ZNF619: variants seen among roughly 807,000 people sequenced by gnomAD.
ZNF619 encodes zinc finger protein 619.
Under a neutral mutation model 14.2 loss-of-function variants are expected in ZNF619, and 9 were observed. The ratio of observed to expected loss-of-function variants is 0.64; its 90% CI spans 0.38 to 1.11. The LOEUF (loss-of-function observed/expected upper bound fraction) is 1.11, where lower values mean the gene tolerates loss of function less well. Ranked by LOEUF, ZNF619 falls within the 50% of genes least tolerant of loss-of-function variation. The pLI is 0.01. For synonymous variants in ZNF619, 246 were observed against 252.8 expected, an observed-to-expected ratio of 0.97 and a Z score of 0.26; for missense variants, 659 against 680.1, an observed-to-expected ratio of 0.97 and a Z score of 0.34.
intron 2 of ZNF619, among the ~76,000 whole-genome samples, chr3:40,478,376 A>C (rs1409414481): frequency 6.6e-6 from 1 of 152,142 alleles, no homozygotes; most frequent in Non-Finnish European, 1.5e-5. Context: ...GGGCAGATTA[A>C]AATTTGAGGA....
At chr3:40,481,512 G>C (rs1697391148) in intron 2 of ZNF619, among the ~76,000 whole-genome samples, 2 of 152,172 alleles carry the variant, frequency 1.3e-5, no homozygotes, top group South Asian at 4.1e-4. Context: ...CTGGGTGGAG[G>C]GCCCTGATAC....
intron 4 of ZNF619, 53 bp downstream of exon 4, chr3:40,482,757 T>C (rs1171121673): frequency 7.2e-7 from 1 of 1,386,592 alleles, no homozygotes; most frequent in Non-Finnish European, 9.9e-7. Context: ...CTCCTTTCTT[T>C]TAACAATTTA....
At position 40,488,639 on chromosome 3, in the gene ZNF619, T is replaced by C. The variant is rs1223051303; in HGVS notation, c.*398T>C. On this transcript the variant is annotated 3_prime_UTR_variant, in exon 5 of 5. Coordinates refer to ENST00000432264, the MANE Select transcript of ZNF619 (RefSeq NM_001145093.4). ...ATAATCAGATAAAGTGTCCAATGATTGCTTTCAAGAGCTTTTTTTTTTTTA... is the reference window on the plus strand; with the variant it reads ...ATAATCAGATAAAGTGTCCAATGATCGCTTTCAAGAGCTTTTTTTTTTTTA... The C allele has an allele frequency of 6.1e-6, 1 of 163,990 alleles. No homozygotes were observed. The highest frequency in any genetic ancestry group is 2.4e-5 in the African/African-American group (1 of 41,700). 10.2% of individuals were successfully genotyped at this position (163,990 alleles called of 1,614,324 possible).
In ZNF619 at chr3:40,487,305, T is replaced by C. The variant is rs1353981339; in HGVS notation, c.795T>C (p.Cys265=). 3.1e-6 allele frequency: 5 copies of C among 1,614,158 alleles called. No homozygotes were observed. The highest frequency in any genetic ancestry group is 2.2e-5 in the East Asian group (1 of 44,882). ...TGEKPYSCEE[C]GQAFSQNSHL... ...AGAAACCATACTCATGTGAGGAATG[T>C]GGACAAGCCTTCAGTCAAAATTCCC... Residue 265 remains cysteine, a synonymous_variant, in exon 5 of 5, where the codon TGT becomes TGC. Transcript: ENST00000432264.
chr3:40,490,389 A>G lies in ZNF619; in HGVS notation c.*2148A>G, dbSNP rs1697770644. On this transcript the variant is annotated 3_prime_UTR_variant, in exon 5 of 5. Transcript: ENST00000432264. ...GGTAGAGGCTTGAAAAATCTGGAAG[A>G]TCAGGTCAGACAAAGCCTGTATTAT... is the stretch of plus-strand genomic sequence containing the variant. Among the ~76,000 whole-genome samples, 1 of 152,214 alleles carries G rather than the reference A, an allele frequency of 6.6e-6. No homozygotes were observed. Among genetic ancestry groups the G allele is most frequent in the Non-Finnish European group, 1.5e-5 (1 of 68,048 alleles).
intron 2 of ZNF619, 144 bp from the exon 3 acceptor site, chr3:40,481,719 G>A: frequency 2.0e-6 from 2 of 1,010,712 alleles, no homozygotes; most frequent in Non-Finnish European, 2.8e-6. Flanking sequence ...ATGGAAAGTT[G>A]GAATGCTGGC....
In ZNF619 at chr3:40,488,194, G is replaced by C. The variant is rs548366566; in HGVS notation, c.1684G>C (p.Gly562Arg). The change falls in exon 5 of 5, where the codon GGG becomes CGG. Residue 562 changes from glycine (G) to arginine (R), a missense_variant. Physicochemically the swap from Gly to Arg is moderately radical, Grantham distance 125. Transcript: ENST00000432264. ...TTTTTTTCAGGATCTCGCTTTTCCT[G>C]GGAAGTCATCCCTTCAGAGCCCGAA... ...AHFFQDLAFP[G>R]KSSLQSPNPL... is the part of the protein sequence containing the mutation. 5 of 1,610,556 alleles carry C rather than the reference G, an allele frequency of 3.1e-6. No homozygotes were observed. In the South Asian group the frequency reaches 3.3e-5, roughly 11 times the overall value.
chr3:40,486,695 C>T, intron 4 of ZNF619, 111 bp from the exon 5 acceptor site: 1 of 723,168 alleles, frequency 1.4e-6, no homozygotes, highest in Middle Eastern at 3.5e-4. Context: ...GAGTGAAACT[C>T]CACTCAAAAA....
In ZNF619 at chr3:40,489,828, A is replaced by G. The variant is rs1255811729; in HGVS notation, c.*1587A>G. ...CACACCTACTCCAGATTTCCCTATGATTAAATCTGAATTTTATTGGTGGCA... is the reference window on the plus strand; with the variant it reads ...CACACCTACTCCAGATTTCCCTATGGTTAAATCTGAATTTTATTGGTGGCA... On this transcript the variant is annotated 3_prime_UTR_variant, in exon 5 of 5. Transcript: ENST00000432264. The G allele has an allele frequency of 6.6e-6, 1 of 152,206 alleles. No individual in the cohort carries two copies. Among genetic ancestry groups the G allele is most frequent in the Non-Finnish European group, 1.5e-5 (1 of 68,046 alleles). 9.4% of individuals were successfully genotyped at this position (152,206 alleles called of 1,614,324 possible).
At chr3:40,479,556 T>G (rs1028899000) in intron 2 of ZNF619, among the ~76,000 whole-genome samples, 3 of 152,242 alleles carry the variant, frequency 2.0e-5, no homozygotes, top group Non-Finnish European at 2.9e-5. Flanking sequence ...ATAATTACTA[T>G]TGTTATCCCA....
intron 2 of ZNF619, among the ~76,000 whole-genome samples, chr3:40,479,509 T>C (rs1047616289): frequency 3.9e-5 from 6 of 152,226 alleles, no homozygotes; most frequent in African/African-American, 1.2e-4. Flanking sequence ...GCGTTACAGA[T>C]AATAACTTAA....
Position 40,482,606 on chromosome 3 carries a change from A to T in ZNF619, c.197A>T (p.Lys66Ile), listed in dbSNP as rs975719982. ...CCTGTAGCAGCATTTCCATTCCCCA[A>T]ACCAGATCTGATATTCCAGCTGGAG... ...VTSLSAFPFP[K>I]PDLIFQLEQG... is the part of the protein sequence containing the mutation. Residue 66 changes from lysine (K) to isoleucine (I), a missense_variant, in exon 4 of 5, where the codon AAA becomes ATA. Physicochemically the swap from Lys to Ile is moderately radical, Grantham distance 102. Transcript: ENST00000432264. 1 of 1,613,970 alleles carries T rather than the reference A, an allele frequency of 6.2e-7. No individual in the cohort carries two copies. The highest frequency in any genetic ancestry group is 8.5e-7 in the Non-Finnish European group (1 of 1,179,990).
intron 2 of ZNF619, among the ~76,000 whole-genome samples, chr3:40,481,602 C>T (rs1361251004): frequency 1.3e-5 from 2 of 152,156 alleles, no homozygotes; most frequent in East Asian, 3.8e-4. Flanking sequence ...GAAAAATATA[C>T]CTGGCCTGTG....
chr3:40,483,172 C>A (rs1247444515), intron 4 of ZNF619, among the ~76,000 whole-genome samples: 1 of 152,156 alleles, frequency 6.6e-6, no homozygotes, highest in Non-Finnish European at 1.5e-5. Context: ...TCACACCATT[C>A]CACTCCAGCC....
intron 4 of ZNF619, among the ~76,000 whole-genome samples, chr3:40,485,256 G>A (rs1253005423): frequency 6.6e-6 from 1 of 151,770 alleles, no homozygotes; most frequent in African/African-American, 2.4e-5. Context: ...ATTGTATTAG[G>A]TGTAGATAAA....
rs996254824 is a variant in ZNF619, at chr3:40,490,913, G to A, written c.*2672G>A. Among the ~76,000 whole-genome samples the A allele has an allele frequency of 2.0e-5, 3 of 152,142 alleles. No individual in the cohort carries two copies. Among genetic ancestry groups the A allele is most frequent in the African/African-American group, 7.2e-5 (3 of 41,444 alleles). On this transcript the variant is annotated 3_prime_UTR_variant, in exon 5 of 5. Coordinates refer to ENST00000432264, the MANE Select transcript of ZNF619 (RefSeq NM_001145093.4). ...TATAAGAAGAGGAAGGGAGACCTGA[G>A]CTGACATGCATGCTCTTGCCATCTT...
intron 2 of ZNF619, among the ~76,000 whole-genome samples, chr3:40,478,700 T>C (rs1008546287): frequency 6.6e-6 from 1 of 152,126 alleles, no homozygotes; most frequent in African/African-American, 2.4e-5. Context: ...TGGTAGATGA[T>C]GGTTTTACTG....
intron 4 of ZNF619, among the ~76,000 whole-genome samples, chr3:40,484,477 A>G (rs1697514476): frequency 6.6e-6 from 1 of 152,184 alleles, no homozygotes; most frequent in African/African-American, 2.4e-5. Context: ...TCAATCTTTT[A>G]TGCTATTCAG....
intron 2 of ZNF619, 129 bp downstream of exon 2, chr3:40,478,132 A>C: frequency 1.2e-6 from 1 of 858,268 alleles, no homozygotes; most frequent in Non-Finnish European, 1.8e-6. Flanking sequence ...TAAAAACAGT[A>C]TGCGAGGGGA....
Sources: allele counts gnomAD v4.1 joint callset (sites outside exome capture counted in the v4.1 genomes callset), GRCh38; gene constraint gnomAD v4.1.1; transcripts MANE v1.5; gene names NCBI Gene and HGNC (gene_info 2026-07-23, HGNC 2026-07-21).